LIPH: variants seen among roughly 807,000 people sequenced by gnomAD.
The protein encoded by LIPH is lipase member H.
Under a neutral mutation model 47.6 loss-of-function variants are expected in LIPH, and 32 were observed. The ratio of observed to expected loss-of-function variants is 0.67; its 90% confidence interval spans 0.51 to 0.90. The LOEUF (loss-of-function observed/expected upper bound fraction) is 0.90. Among genes scored for constraint, LIPH ranks in the 40% least tolerant of loss-of-function variants. LIPH has a pLI of 0.00. For synonymous variants in LIPH, 190 were observed against 195.6 expected (o/e 0.97, Z 0.24); for missense variants, 497 against 541.4 (o/e 0.92, Z 0.81).
intron 9 of LIPH, among the ~76,000 whole-genome samples, chr3:185,510,479 C>G (rs1719526564): frequency 6.6e-6 from 1 of 152,090 alleles, no homozygotes; most frequent in South Asian, 2.1e-4. Context: ...TTTATTTTTT[C>G]TGGCACAATT....
intron 1 of LIPH, among the ~76,000 whole-genome samples, chr3:185,535,426 T>G (rs1430406341): frequency 2.0e-5 from 3 of 151,924 alleles, no homozygotes; most frequent in Admixed American, 6.6e-5. Context: ...TACAGGTGCA[T>G]GCCATCATGC....
intron 4 of LIPH, among the ~76,000 whole-genome samples, chr3:185,527,145 G>A (rs527851753): frequency 8.5e-5 from 13 of 152,172 alleles, no homozygotes; most frequent in South Asian, 2.1e-4. Flanking sequence ...AGGCTGAGGC[G>A]GGAGGATGGC....
At chr3:185,541,255 G>C (rs1577687590) in intron 1 of LIPH, among the ~76,000 whole-genome samples, 1 of 152,080 alleles carries the variant, frequency 6.6e-6, no homozygotes, top group African/African-American at 2.4e-5. Flanking sequence ...CAAGAAAAAT[G>C]AGAAAGTTAA....
chr3:185,545,478 T>G (rs957549302), intron 1 of LIPH, among the ~76,000 whole-genome samples: 1 of 152,224 alleles, frequency 6.6e-6, no homozygotes, highest in Non-Finnish European at 1.5e-5. Flanking sequence ...CCACGGCTAC[T>G]TTCCTGCTCT....
chr3:185,521,848 A>G (rs1208565552), intron 5 of LIPH, among the ~76,000 whole-genome samples: 1 of 152,168 alleles, frequency 6.6e-6, no homozygotes, highest in Non-Finnish European at 1.5e-5. Flanking sequence ...CTCTGGATTT[A>G]TATCCTTTCT....
rs374640229 is a variant in LIPH, at chr3:185,552,473, T to C, written c.-2A>G. 1.3e-6 allele frequency: 2 copies of C among 1,598,678 alleles called. No individual in the cohort carries two copies. Among genetic ancestry groups the C allele is most frequent in the Admixed American group, 1.7e-5 (1 of 59,992 alleles). On this transcript the variant is annotated 5_prime_UTR_variant, in exon 1 of 10. Coordinates refer to ENST00000296252, the MANE Select transcript of LIPH (RefSeq NM_139248.3). The stretch of plus-strand genomic sequence containing the variant: ...GATGAATAAGTAGAATCTCAACATA[T>C]GGAAACTGGAGAGATCGTGTGTCAC...
At chr3:185,514,113 G>T (rs999826387) in intron 8 of LIPH, among the ~76,000 whole-genome samples, 8 of 151,894 alleles carry the variant, frequency 5.3e-5, no homozygotes, top group African/African-American at 1.9e-4. Flanking sequence ...GAAGTAAGGA[G>T]GAGAGGAACA....
chr3:185,507,690 G>C lies in LIPH; in HGVS notation c.*1100C>G, dbSNP rs1719421566. On this transcript the variant is annotated 3_prime_UTR_variant, in exon 10 of 10. Coordinates refer to ENST00000296252, the MANE Select transcript of LIPH (RefSeq NM_139248.3). ...ACTGGAGTCTTCAGATTCTCCAAAA[G>C]CAAACCGGTTCATGTTTTGAATTCA... 1 of 152,174 alleles carries C rather than the reference G, an allele frequency of 6.6e-6. No individual in the cohort carries two copies. The highest frequency in any genetic ancestry group is 1.5e-5 in the Non-Finnish European group (1 of 68,036). The allele number at this position is 152,174 out of a possible 1,614,324, so 9.4% of individuals were successfully genotyped here. A position where few individuals can be genotyped will look rare whatever the true frequency, so the allele number is the denominator to read the frequency against.
Position 185,528,267 on chromosome 3 carries a change from C to A in LIPH, c.527-682G>T, listed in dbSNP as rs900568079. Among the ~76,000 whole-genome samples, 73 of 136,784 alleles carry A rather than the reference C, an allele frequency of 5.3e-4. 1 individual carries two copies. The highest frequency in any genetic ancestry group is 9.7e-4 in the Admixed American group (12 of 12,398). 89.7% of individuals were successfully genotyped at this position (136,784 alleles called of 152,430 possible). On this transcript the variant is annotated intron_variant, in intron 3 of 9. Transcript: ENST00000296252. ...GAGAGAAAGAAAAAAAGAAAGAAAG[C>A]AAGCAGATGCTATACTCATCTTTAT...
chr3:185,507,160 A>G lies in LIPH; in HGVS notation c.*1630T>C, dbSNP rs6784985. 63,217 of 151,640 alleles carry G rather than the reference A, an allele frequency of 0.42. 13,358 individuals are homozygous for G. Among genetic ancestry groups the G allele is most frequent in the Middle Eastern group, 0.47 (139 of 294 alleles). 9.4% of individuals were successfully genotyped at this position (151,640 alleles called of 1,614,324 possible). A position where few individuals can be genotyped will look rare whatever the true frequency, so the allele number is the denominator to read the frequency against. On this transcript the variant is annotated 3_prime_UTR_variant, in exon 10 of 10. Transcript: ENST00000296252. Reference sequence around the variant, plus strand: ...GGCCGAGACGGGTAGTCACCTGAGGACAGGAGTTCGAGACGAGCCTGGCTA... The same window carrying G: ...GGCCGAGACGGGTAGTCACCTGAGGGCAGGAGTTCGAGACGAGCCTGGCTA...
intron 1 of LIPH, among the ~76,000 whole-genome samples, chr3:185,541,399 T>C (rs946927708): frequency 5.3e-5 from 8 of 150,912 alleles, no homozygotes; most frequent in Non-Finnish European, 1.0e-4. Context: ...TCTTTCTTTT[T>C]TTTTTTTTTT....
At chr3:185,552,212 C>T (rs1721068303) in intron 1 of LIPH, among the ~76,000 whole-genome samples, 1 of 145,798 alleles carries the variant, frequency 6.9e-6, no homozygotes, top group Non-Finnish European at 1.5e-5. Context: ...AAATTTTTTT[C>T]AGGATGAGAA....
At position 185,533,588 on chromosome 3, in the gene LIPH, C is replaced by G. The variant is rs1318899219; in HGVS notation, c.509G>C (p.Trp170Ser). 5.6e-6 allele frequency: 9 copies of G among 1,612,312 alleles called. No individual in the cohort carries two copies. Among genetic ancestry groups the G allele is most frequent in the African/African-American group, 1.3e-5 (1 of 74,874 alleles). Residue 170 changes from tryptophan (W) to serine (S), a missense_variant, in exon 3 of 10, where the codon TGG becomes TCG. By Grantham distance (177) the Trp-to-Ser change is radical. Coordinates refer to ENST00000296252, the MANE Select transcript of LIPH (RefSeq NM_139248.3). ...SGFVGEMYDG[W>S]LGRITGLDPA... ...GCACTTACCTGTAATTCTCCCCAGC[C>G]ATCCATCGTACATCTCTCCAACAAA... is the stretch of plus-strand genomic sequence containing the variant.
chr3:185,538,846 C>T (rs57474140), intron 1 of LIPH, among the ~76,000 whole-genome samples: 2 of 87,554 alleles, frequency 2.3e-5, no homozygotes, highest in African/African-American at 7.8e-5. Flanking sequence ...CATATATACA[C>T]ATATATATAC....
chr3:185,518,300 A>G (rs1719793377), intron 6 of LIPH, among the ~76,000 whole-genome samples: 1 of 151,782 alleles, frequency 6.6e-6, no homozygotes. Context: ...GCTTTTTGAG[A>G]CGGAGTTTCA....
intron 7 of LIPH, among the ~76,000 whole-genome samples, chr3:185,516,497 T>G (rs1560157298): frequency 6.6e-6 from 1 of 152,162 alleles, no homozygotes; most frequent in East Asian, 1.9e-4. Context: ...GGTACAAGAC[T>G]GTAGGAAAAA....
In LIPH at chr3:185,552,520, C is replaced by T. The variant is rs370493080; in HGVS notation, c.-49G>A. On this transcript the variant is annotated 5_prime_UTR_variant, in exon 1 of 10. Coordinates refer to ENST00000296252, the MANE Select transcript of LIPH (RefSeq NM_139248.3). Reference sequence around the variant, plus strand: ...TCACATTCACAAGAATGATTTACTTCGCAGAGGCTTAAGAGTTTCCACTGT... The same window carrying T: ...TCACATTCACAAGAATGATTTACTTTGCAGAGGCTTAAGAGTTTCCACTGT... 3 of 1,314,072 alleles carry T rather than the reference C, an allele frequency of 2.3e-6. No homozygotes were observed. The highest frequency in any genetic ancestry group is 1.4e-5 in the African/African-American group (1 of 69,162). 81.4% of individuals were successfully genotyped at this position (1,314,072 alleles called of 1,614,324 possible). A position where few individuals can be genotyped will look rare whatever the true frequency, so the allele number is the denominator to read the frequency against.
intron 6 of LIPH, among the ~76,000 whole-genome samples, chr3:185,518,482 AT>A (rs1196908091): frequency 6.6e-6 from 1 of 151,970 alleles, no homozygotes; most frequent in Non-Finnish European, 1.5e-5. Context: ...AGATATCACC[AT>A]GTTGGCCAGG....
Position 185,519,159 on chromosome 3 carries a change from T to C in LIPH, c.869A>G (p.Glu290Gly), listed in dbSNP as rs760725449. The change falls in exon 6 of 10, where the codon GAG becomes GGG. Residue 290 changes from glutamate to glycine, a missense_variant. Physicochemically the swap from Glu to Gly is moderately conservative, Grantham distance 98 (BLOSUM62 -2). Transcript: ENST00000296252. ...AGACTTACCCAGAAGGGGACAGGACTCTTTTTGTGACGTGCCGCAGCTGAC... is the reference window on the plus strand; with the variant it reads ...AGACTTACCCAGAAGGGGACAGGACCCTTTTTGTGACGTGCCGCAGCTGAC... Reference protein sequence around the residue: ...KCVSCGTSQKESCPLLGYYAD... With the variant: ...KCVSCGTSQKGSCPLLGYYAD... 3.7e-6 allele frequency: 6 copies of C among 1,614,100 alleles called. No individual in the cohort carries two copies. The East Asian group carries it at 8.9e-5, about 24-fold the overall frequency.
Sources: gnomAD v4.1 joint callset for allele counts (sites outside exome capture counted in the v4.1 genomes callset) on GRCh38, gnomAD v4.1.1 for gene constraint, MANE v1.5 for transcripts, NCBI Gene and HGNC (gene_info 2026-07-23, HGNC 2026-07-21) for gene names.